The following ZRSR2 variants were observed in gnomAD, a reference collection of about 807,000 sequenced individuals.
ZRSR2 encodes U2 small nuclear ribonucleoprotein auxiliary factor 35 kDa subunit-related protein 2.
A neutral mutation model predicts 39.4 loss-of-function variants in ZRSR2; 3 were observed. The observed-to-expected ratio is 0.08, with a 90% CI of 0.03 to 0.20. The LOEUF (loss-of-function observed/expected upper bound fraction) is 0.20, where lower values mean the gene tolerates loss of function less well. Ranked by LOEUF, ZRSR2 falls within the 10% of genes least tolerant of loss-of-function variation. The pLI is 1.00. For synonymous variants in ZRSR2, 137 were observed against 136.0 expected (o/e 1.01, Z -0.05); for missense variants, 256 against 391.5 (o/e 0.65, Z 2.92).
chrX:15,798,886 T>C (rs1191961065), intron 2 of ZRSR2, among the ~76,000 whole-genome samples: 4 of 111,707 alleles, frequency 3.6e-5, no homozygotes, highest in African/African-American at 1.3e-4. Context: ...CTAACTGTGG[T>C]TAAGGTGTTA....
chrX:15,818,485 GGTAACTACTTT>G (rs1438486565), intron 8 of ZRSR2, 91 bp from the exon 9 acceptor site: 1 of 723,489 alleles, frequency 1.4e-6, no homozygotes, highest in Non-Finnish European at 2.1e-6. Flanking sequence ...ATCTTTGATT[GGTAACTACTTT>G]GGGGAATGTT....
chrX:15,804,024 G>A (rs1205126836), intron 4 of ZRSR2, 87 bp from the exon 5 acceptor site: 3 of 1,054,784 alleles, frequency 2.8e-6, no homozygotes, highest in Middle Eastern at 2.9e-4. Context: ...GTTTGCCAGT[G>A]TTTTAAGTTT....
At chrX:15,821,320 G>T (rs1179012530) in intron 10 of ZRSR2, among the ~76,000 whole-genome samples, 1 of 105,667 alleles carries the variant, frequency 9.5e-6, no homozygotes, top group Non-Finnish European at 1.9e-5. Flanking sequence ...CAAAGCAGGG[G>T]ACTATTTCAT....
At chrX:15,809,095 A>G in intron 6 of ZRSR2, 105 bp from the exon 7 acceptor site, 2 of 623,073 alleles carry the variant, frequency 3.2e-6, no homozygotes, top group South Asian at 2.5e-5. Context: ...GCATTATTAA[A>G]TGAAACAATG....
chrX:15,795,650 G>A (rs1569063667), intron 2 of ZRSR2, among the ~76,000 whole-genome samples: 1 of 111,717 alleles, frequency 9.0e-6, no homozygotes, highest in Non-Finnish European at 1.9e-5. Context: ...TTCAAGGATT[G>A]GGGGTGGGGG....
chrX:15,823,242 A>C lies in ZRSR2; in HGVS notation c.1449A>C (p.Ter483TyrextTer?). ...CTGTTCAGAGTCCCAAATCCAAATA[A>C]ACTAGTTTTGTTCTTAAATGATTGT... ...DRTVQSPKSK* is the reference protein window; with the variant it reads ...DRTVQSPKSKY Residue 483 changes from the stop codon to tyrosine, a stop_lost, in exon 11 of 11, where the codon TAA becomes TAC. Transcript: ENST00000307771. 5.2e-6 allele frequency: 6 copies of C among 1,144,675 alleles called. No individual in the cohort carries two copies. Among genetic ancestry groups the C allele is most frequent in the Non-Finnish European group, 6.9e-6 (6 of 864,518 alleles). The allele number at this position is 1,144,675 out of a possible 1,213,427, so 94.3% of individuals were successfully genotyped here.
intron 2 of ZRSR2, among the ~76,000 whole-genome samples, chrX:15,798,497 A>AT (rs1932554441): frequency 9.0e-6 from 1 of 111,540 alleles, no homozygotes; most frequent in Non-Finnish European, 1.9e-5. Flanking sequence ...TACATAGAAC[A>AT]TTTTTTCTGA....
chrX:15,811,609 G>C (rs1272497071), intron 7 of ZRSR2, among the ~76,000 whole-genome samples: 3 of 111,753 alleles, frequency 2.7e-5, no homozygotes, highest in Non-Finnish European at 5.7e-5. Flanking sequence ...TGTATTTTTA[G>C]TATAGACGAG....
intron 9 of ZRSR2, 126 bp from the exon 10 acceptor site, chrX:15,820,081 C>A: frequency 1.7e-6 from 1 of 604,217 alleles, no homozygotes; most frequent in Non-Finnish European, 2.6e-6. Flanking sequence ...ATGACTCTTC[C>A]CTAGGTACAA....
chrX:15,797,207 A>G lies in ZRSR2; in HGVS notation c.122-2665A>G, dbSNP rs1932501963. ...ATATTGCTTAACAGTATCTGCATTA[A>G]CTTTTTTTTTTTTTTTTTTTGAGAC... On this transcript the variant is annotated intron_variant, in intron 2 of 10. Coordinates refer to ENST00000307771, the MANE Select transcript of ZRSR2 (RefSeq NM_005089.4). 1.9e-5 allele frequency among the ~76,000 whole-genome samples: 2 copies of G among 104,443 alleles called. 1 individual carries two copies. Among genetic ancestry groups the G allele is most frequent in the South Asian group, 8.3e-4 (2 of 2,420 alleles). 90.7% of individuals were successfully genotyped at this position (104,443 alleles called of 115,157 possible). A position where few individuals can be genotyped will look rare whatever the true frequency, so the allele number is the denominator to read the frequency against.
intron 7 of ZRSR2, among the ~76,000 whole-genome samples, chrX:15,809,963 T>C (rs778064528): frequency 8.9e-6 from 1 of 112,215 alleles, no homozygotes; most frequent in South Asian, 3.7e-4. Context: ...CGGGCTTCAG[T>C]GGCTGCCAGT....
intron 2 of ZRSR2, among the ~76,000 whole-genome samples, chrX:15,797,016 T>G (rs7884480): frequency 9.5e-6 from 1 of 105,305 alleles, no homozygotes; most frequent in Non-Finnish European, 1.9e-5. Context: ...CTGGTCTCGA[T>G]CTCCTGACCT....
At chrX:15,809,423 C>A in intron 7 of ZRSR2, 105 bp downstream of exon 7, 1 of 561,137 alleles carries the variant, frequency 1.8e-6, no homozygotes, top group Non-Finnish European at 3.0e-6. Context: ...AAATGTCCGT[C>A]ATCAGACATC....
chrX:15,796,833 G>T (rs1431131830), intron 2 of ZRSR2, among the ~76,000 whole-genome samples: 1 of 76,944 alleles, frequency 1.3e-5, no homozygotes, highest in Non-Finnish European at 2.2e-5. Flanking sequence ...TCGCTCTGTC[G>T]CCCAGGCTAG....
intron 2 of ZRSR2, among the ~76,000 whole-genome samples, chrX:15,795,811 A>C (rs1932434685): frequency 9.0e-6 from 1 of 111,336 alleles, no homozygotes; most frequent in African/African-American, 3.3e-5. Flanking sequence ...CTAGAATAGG[A>C]TACTTTCATC....
rs1379250908 is a variant in ZRSR2 at position 15,804,189 on chromosome X, G to C, written c.391G>C (p.Glu131Gln). 12 of 1,191,123 alleles carry C rather than the reference G, an allele frequency of 1.0e-5. No individual in the cohort carries two copies. Among genetic ancestry groups the C allele is most frequent in the African/African-American group, 1.8e-5 (1 of 56,118 alleles). The change falls in exon 5 of 11, where the codon GAA becomes CAA. Residue 131 changes from glutamate (E) to glutamine (Q), a missense_variant. Around this residue, in one of 3 missense-constraint regions of ZRSR2, gnomAD observed 87 missense variants for 111.7 expected, o/e 0.78. Coordinates refer to ENST00000307771, the MANE Select transcript of ZRSR2 (RefSeq NM_005089.4). ...GGAGCAGAAACGACAGGAGAAGAAAGAAAAAGAGGTGATTCCTGTCATGGG... is the reference window on the plus strand; with the variant it reads ...GGAGCAGAAACGACAGGAGAAGAAACAAAAAGAGGTGATTCCTGTCATGGG... Reference protein sequence around the residue: ...EEEQKRQEKKEKEEALQKMLD... With the variant: ...EEEQKRQEKKQKEEALQKMLD...
chrX:15,800,386 C>G (rs924114813), intron 3 of ZRSR2, among the ~76,000 whole-genome samples: 1 of 109,297 alleles, frequency 9.1e-6, no homozygotes, highest in Non-Finnish European at 1.9e-5. Context: ...AGGGTTTCAC[C>G]ATGTCGGCCA....
chrX:15,808,187 A>C, intron 5 of ZRSR2, 46 bp from the exon 6 acceptor site: 1 of 1,156,193 alleles, frequency 8.6e-7, no homozygotes, highest in South Asian at 1.8e-5. Flanking sequence ...GATGTGACTT[A>C]CCTGACTTCT....
rs895684523 is a variant in ZRSR2 at position 15,799,859 on chromosome X, T to G, written c.122-13T>G. ...TGCAGCACTCAGTTTAATAAAACAT[T>G]TAAATTCCCTAGGACTCTCACAGAA... On this transcript the variant is annotated splice_polypyrimidine_tract_variant and intron_variant, in intron 2 of 10. Coordinates refer to ENST00000307771, the MANE Select transcript of ZRSR2 (RefSeq NM_005089.4). 8 of 1,151,486 alleles carry G rather than the reference T, an allele frequency of 6.9e-6. No homozygotes were observed. Among genetic ancestry groups the G allele is most frequent in the Non-Finnish European group, 9.4e-6 (8 of 853,056 alleles). 94.9% of individuals were successfully genotyped at this position (1,151,486 alleles called of 1,213,427 possible). A position where few individuals can be genotyped will look rare whatever the true frequency, so the allele number is the denominator to read the frequency against.
Sources: gnomAD v4.1 joint callset for allele counts (sites outside exome capture counted in the v4.1 genomes callset) on GRCh38, gnomAD v4.1.1 for gene constraint, gnomAD v4.1.1 regional missense constraint, MANE v1.5 for transcripts, NCBI Gene and HGNC (gene_info 2026-07-23, HGNC 2026-07-21) for gene names.